The following TAFA2 variants were observed in gnomAD, a reference collection of about 807,000 sequenced individuals.
The protein encoded by TAFA2 is TAFA chemokine like family member 2.
Under a neutral mutation model 18.8 loss-of-function variants are expected in TAFA2, and 7 were observed. That is an observed-to-expected ratio of 0.37 (90% confidence interval 0.21 to 0.70). TAFA2 has a LOEUF of 0.70. TAFA2 is among the 30% of genes least tolerant of loss of function. The probability of loss-of-function intolerance (pLI) is 0.53; values close to 1 mark genes in which losing one functional copy is unlikely to be tolerated. For missense variants in TAFA2, 122 were observed against 158.1 expected, an observed-to-expected ratio of 0.77 and a Z score of 1.23; for synonymous variants, 60 against 54.2, an observed-to-expected ratio of 1.11 and a Z score of -0.47.
At chr12:62,034,296 A>G (rs1346053927) in intron 1 of TAFA2, among the ~76,000 whole-genome samples, 1 of 152,146 alleles carries the variant, frequency 6.6e-6, no homozygotes, top group Non-Finnish European at 1.5e-5. Flanking sequence ...GATGAAGGTC[A>G]GGTACCGCCT....
intron 1 of TAFA2, among the ~76,000 whole-genome samples, chr12:62,026,199 T>C (rs911878913): frequency 6.6e-5 from 10 of 152,198 alleles, no homozygotes; most frequent in Non-Finnish European, 1.3e-4. Flanking sequence ...TACACTAATG[T>C]TGAAATGGAA....
At chr12:62,107,914 T>A (rs1470334013) in intron 1 of TAFA2, among the ~76,000 whole-genome samples, 2 of 143,696 alleles carry the variant, frequency 1.4e-5, no homozygotes, top group African/African-American at 4.9e-5. Flanking sequence ...AAGAGTATTG[T>A]CTAAAGAATT....
At chr12:61,958,493 GT>G (rs1186113590) in intron 1 of TAFA2, among the ~76,000 whole-genome samples, 2 of 151,620 alleles carry the variant, frequency 1.3e-5, no homozygotes, top group Non-Finnish European at 2.9e-5. Flanking sequence ...TGTGCTACCA[GT>G]TTTTTTAATT....
At chr12:62,069,949 C>A (rs1307566711) in intron 1 of TAFA2, among the ~76,000 whole-genome samples, 1 of 152,146 alleles carries the variant, frequency 6.6e-6, no homozygotes, top group African/African-American at 2.4e-5. Flanking sequence ...GCAAGGTGGC[C>A]TTACTTCCTG....
At chr12:62,135,786 T>A (rs1364360473) in intron 1 of TAFA2, 1 of 152,002 alleles carries the variant, frequency 6.6e-6, no homozygotes, top group African/African-American at 2.4e-5. Context: ...TTATGCAAAA[T>A]GTTATTAGGA....
intron 2 of TAFA2, among the ~76,000 whole-genome samples, chr12:61,815,391 G>T (rs1175958375): frequency 6.6e-6 from 1 of 151,338 alleles, no homozygotes; most frequent in Non-Finnish European, 1.5e-5. Context: ...TTGAGGCTGG[G>T]CGTGGTGGCT....
At chr12:62,156,653 C>T (rs549751132) in intron 1 of TAFA2, among the ~76,000 whole-genome samples, 130 of 152,120 alleles carry the variant, frequency 8.5e-4, no homozygotes, top group African/African-American at 2.8e-3. Flanking sequence ...GCATTTGCAG[C>T]GACCTGGATG....
chr12:61,738,300 C>CACACACAT (rs1555198043), intron 4 of TAFA2, among the ~76,000 whole-genome samples: 1 of 139,488 alleles, frequency 7.2e-6, no homozygotes, highest in East Asian at 2.1e-4. Context: ...AACACACACA[C>CACACACAT]ACACACACAC....
intron 1 of TAFA2, among the ~76,000 whole-genome samples, chr12:61,914,557 A>G (rs990016253): frequency 4.6e-5 from 7 of 152,200 alleles, no homozygotes; most frequent in Non-Finnish European, 1.0e-4. Flanking sequence ...TGGCCCATCA[A>G]TGAATAAAAA....
chr12:62,009,214 T>A (rs189957761), intron 1 of TAFA2, among the ~76,000 whole-genome samples: 22 of 152,224 alleles, frequency 1.4e-4, no homozygotes, highest in Non-Finnish European at 3.1e-4. Flanking sequence ...GTCAGTTAAG[T>A]GAATTTGGGG....
chr12:61,834,225 G>A (rs1180421284), intron 2 of TAFA2, among the ~76,000 whole-genome samples: 1 of 151,894 alleles, frequency 6.6e-6, no homozygotes, highest in Non-Finnish European at 1.5e-5. Context: ...TTTTGCTCTT[G>A]GGCCCAGTTG....
intron 1 of TAFA2, among the ~76,000 whole-genome samples, chr12:61,926,374 T>A (rs1172517780): frequency 6.6e-6 from 1 of 152,162 alleles, no homozygotes. Flanking sequence ...TACCAAAACC[T>A]GGCAGAGACA....
intron 1 of TAFA2, among the ~76,000 whole-genome samples, chr12:62,148,341 A>G (rs1455419239): frequency 6.6e-6 from 1 of 152,220 alleles, no homozygotes; most frequent in Non-Finnish European, 1.5e-5. Context: ...TGGCATATAT[A>G]CAACATGGAA....
chr12:62,156,582 T>C (rs1256072522), intron 1 of TAFA2, among the ~76,000 whole-genome samples: 2 of 151,982 alleles, frequency 1.3e-5, no homozygotes, highest in African/African-American at 2.4e-5. Flanking sequence ...AAAGAAACTG[T>C]AATATATATA....
chr12:62,214,790 G>C (rs2062727522), intron 1 of TAFA2, among the ~76,000 whole-genome samples: 1 of 152,130 alleles, frequency 6.6e-6, no homozygotes, highest in Non-Finnish European at 1.5e-5. Context: ...CTCCAGAACT[G>C]TGAGAAAGTG....
intron 2 of TAFA2, among the ~76,000 whole-genome samples, chr12:61,848,220 GTATGA>G (rs1200836557): frequency 1.3e-5 from 2 of 152,158 alleles, no homozygotes; most frequent in Non-Finnish European, 2.9e-5. Flanking sequence ...GTTATTATAT[GTATGA>G]TATCACATTT....
At chr12:62,115,182 A>G (rs186627285) in intron 1 of TAFA2, among the ~76,000 whole-genome samples, 1 of 152,260 alleles carries the variant, frequency 6.6e-6, no homozygotes, top group Admixed American at 6.5e-5. Flanking sequence ...AACTACTAAG[A>G]TCATCCTGAC....
intron 1 of TAFA2, among the ~76,000 whole-genome samples, chr12:61,994,068 T>C (rs538811629): frequency 6.6e-6 from 1 of 152,292 alleles, no homozygotes; most frequent in South Asian, 2.1e-4. Context: ...AGTAATACAA[T>C]TAGATATTCT....
intron 1 of TAFA2, among the ~76,000 whole-genome samples, chr12:62,249,830 A>T (rs989252407): frequency 3.3e-5 from 5 of 152,060 alleles, no homozygotes; most frequent in Admixed American, 6.6e-5. Flanking sequence ...TAAACAGGAG[A>T]TTCAGACAAA....
Sources: gnomAD v4.1 joint callset for allele counts (sites outside exome capture counted in the v4.1 genomes callset) on GRCh38, gnomAD v4.1.1 for gene constraint, MANE v1.5 for transcripts, NCBI Gene and HGNC (gene_info 2026-07-23, HGNC 2026-07-21) for gene names.